Variants in STX3 observed in about 807,000 individuals in gnomAD.
The protein encoded by STX3 is syntaxin-3.
Under a neutral mutation model 40.2 loss-of-function variants are expected in STX3, and 19 were observed. That is an observed-to-expected ratio of 0.47 (90% CI 0.33 to 0.69). The LOEUF (loss-of-function observed/expected upper bound fraction) is 0.69, where lower values mean the gene tolerates loss of function less well. STX3 is among the 30% of genes least tolerant of loss of function. The pLI is 0.02. For synonymous variants in STX3, 122 were observed against 132.2 expected, an observed-to-expected ratio of 0.92 and a Z score of 0.53; for missense variants, 364 against 366.7, an observed-to-expected ratio of 0.99 and a Z score of 0.06.
Position 59,805,196 on chromosome 11 carries a change from A to ACAAAC in STX3, c.*4372_*4373insCAAAC, listed in dbSNP as rs1417453045. ...CCATCTAAAAAAAAAAAAAAAACAA[A>ACAAAC]AAAAAAAAACTGTTCTTAATACTTA... On this transcript the variant is annotated 3_prime_UTR_variant, in exon 11 of 11. Transcript: ENST00000337979. 1 of 149,672 alleles carries ACAAAC rather than the reference A, an allele frequency of 6.7e-6. No individual in the cohort carries two copies. The highest frequency in any genetic ancestry group is 2.5e-5 in the African/African-American group (1 of 39,912). The allele number at this position is 149,672 out of a possible 1,614,324, so 9.3% of individuals were successfully genotyped here.
intron 5 of STX3, 149 bp downstream of exon 5, chr11:59,790,735 G>C: frequency 1.5e-6 from 1 of 652,154 alleles, no homozygotes; most frequent in Non-Finnish European, 2.7e-6. Context: ...GTTGAAATAG[G>C]GGTCAGGGCC....
rs1865946509 is a variant in STX3, at chr11:59,802,905, T to TC, written c.*2087dup. The TC allele has an allele frequency of 1.0e-6, 1 of 985,370 alleles. No homozygotes were observed. Among genetic ancestry groups the TC allele is most frequent in the South Asian group, 4.7e-5 (1 of 21,278 alleles). The allele number at this position is 985,370 out of a possible 1,614,324, so 61.0% of individuals were successfully genotyped here. ...TGTTTGTGTTTCAGATTTGAGGTGT[T>TC]CCCCCCAAAAGAATTTGGTTCAGTC... On this transcript the variant is annotated 3_prime_UTR_variant, in exon 11 of 11. Transcript: ENST00000337979.
At chr11:59,778,871 G>A (rs1438180967) in intron 2 of STX3, among the ~76,000 whole-genome samples, 1 of 98,480 alleles carries the variant, frequency 1.0e-5, no homozygotes, top group African/African-American at 4.1e-5. Flanking sequence ...TTTCGCTCTT[G>A]TCGCCCAGGC....
chr11:59,779,255 A>T (rs1864196341), intron 2 of STX3, among the ~76,000 whole-genome samples: 1 of 152,218 alleles, frequency 6.6e-6, no homozygotes, highest in Admixed American at 6.5e-5. Flanking sequence ...TGAAAGTCCG[A>T]GACCAGGATT....
intron 2 of STX3, among the ~76,000 whole-genome samples, chr11:59,784,030 G>GA (rs1387059886): frequency 6.6e-6 from 1 of 152,118 alleles, no homozygotes; most frequent in Admixed American, 6.5e-5. Context: ...GAGCACCCAG[G>GA]ACCAGTTCTC....
chr11:59,784,397 G>A (rs1034553479), intron 2 of STX3, among the ~76,000 whole-genome samples: 10 of 152,174 alleles, frequency 6.6e-5, no homozygotes, highest in Non-Finnish European at 1.3e-4. Context: ...GTTATGTGGT[G>A]GAACTGGAAA....
intron 1 of STX3, among the ~76,000 whole-genome samples, chr11:59,756,301 A>T (rs1862714233): frequency 2.6e-5 from 4 of 152,284 alleles, no homozygotes; most frequent in Middle Eastern, 3.4e-3. Flanking sequence ...TTCCTTATCT[A>T]TCAAATGGGA....
chr11:59,799,571 T>A, intron 10 of STX3: 1 of 806,624 alleles, frequency 1.2e-6, no homozygotes, highest in Non-Finnish European at 1.5e-6. Context: ...TACCAACTCA[T>A]ATAAGTTGGA....
At chr11:59,797,033 C>T (rs1295382753) in intron 9 of STX3, among the ~76,000 whole-genome samples, 3 of 152,106 alleles carry the variant, frequency 2.0e-5, no homozygotes, top group Non-Finnish European at 4.4e-5. Context: ...ATCACTTGAG[C>T]CCAGGAGGTC....
Position 59,755,591 on chromosome 11 carries a change from C to T in STX3, c.-15C>T, listed in dbSNP as rs1448920151. On this transcript the variant is annotated 5_prime_UTR_variant, in exon 1 of 11. Coordinates refer to ENST00000337979, the MANE Select transcript of STX3 (RefSeq NM_004177.5). Reference sequence around the variant, plus strand: ...CTGGGACGCGCTACCTGCCTCCGGGCGCCTGGGCTTCAGGATGAAGGACCG... The same window carrying T: ...CTGGGACGCGCTACCTGCCTCCGGGTGCCTGGGCTTCAGGATGAAGGACCG... 1.9e-6 allele frequency: 3 copies of T among 1,593,076 alleles called. No individual in the cohort carries two copies. Among genetic ancestry groups the T allele is most frequent in the Non-Finnish European group, 2.6e-6 (3 of 1,176,244 alleles).
At chr11:59,781,402 T>C in intron 2 of STX3, 3 of 1,604,592 alleles carry the variant, frequency 1.9e-6, no homozygotes, top group South Asian at 1.1e-5. Flanking sequence ...TTTCTTGTTA[T>C]TGTGCTTTCC....
intron 3 of STX3, among the ~76,000 whole-genome samples, chr11:59,787,507 T>C (rs917147992): frequency 2.0e-5 from 3 of 152,200 alleles, no homozygotes; most frequent in Non-Finnish European, 2.9e-5. Flanking sequence ...TTCTGAATCC[T>C]ACCAGATCAA....
intron 2 of STX3, among the ~76,000 whole-genome samples, chr11:59,779,616 A>C (rs1015890309): frequency 1.3e-5 from 2 of 152,188 alleles, no homozygotes; most frequent in Non-Finnish European, 2.9e-5. Context: ...TTATTCAGCA[A>C]ATGTCTACTG....
rs535234628 is a variant in STX3 at position 59,755,495 on chromosome 11, C to T, written c.-111C>T. Reference sequence around the variant, plus strand: ...CCGCCGCCGCCTGCGCCTCCAGCTCCTTCGCCCCGGCGGGCCCGGCCGCCG... The same window carrying T: ...CCGCCGCCGCCTGCGCCTCCAGCTCTTTCGCCCCGGCGGGCCCGGCCGCCG... On this transcript the variant is annotated 5_prime_UTR_variant, in exon 1 of 11. Transcript: ENST00000337979. The T allele has an allele frequency of 3.6e-6, 5 of 1,377,638 alleles. No individual in the cohort carries two copies. The South Asian group carries it at 5.9e-5, about 16-fold the overall frequency. The allele number at this position is 1,377,638 out of a possible 1,614,324, so 85.3% of individuals were successfully genotyped here.
chr11:59,802,088 C>G lies in STX3; in HGVS notation c.*1264C>G, dbSNP rs1420932739. Reference sequence around the variant, plus strand: ...CTAGGCTTGTCCTGAGAACATCCCTCAGTAACTTGATATTCACATGACCTA... The same window carrying G: ...CTAGGCTTGTCCTGAGAACATCCCTGAGTAACTTGATATTCACATGACCTA... On this transcript the variant is annotated 3_prime_UTR_variant, in exon 11 of 11. Coordinates refer to ENST00000337979, the MANE Select transcript of STX3 (RefSeq NM_004177.5). 8.1e-6 allele frequency: 8 copies of G among 985,350 alleles called. No homozygotes were observed. The highest frequency in any genetic ancestry group is 9.6e-6 in the Non-Finnish European group (8 of 829,948). The allele number at this position is 985,350 out of a possible 1,614,324, so 61.0% of individuals were successfully genotyped here.
At position 59,805,194 on chromosome 11, in the gene STX3, A is replaced by C; in HGVS notation, c.*4370A>C. On this transcript the variant is annotated 3_prime_UTR_variant, in exon 11 of 11. Transcript: ENST00000337979. ...TTCCATCTAAAAAAAAAAAAAAAAC[A>C]AAAAAAAAAAACTGTTCTTAATACT... The C allele has an allele frequency of 7.0e-6, 1 of 143,772 alleles. No individual in the cohort carries two copies. The highest frequency in any genetic ancestry group is 1.5e-5 in the Non-Finnish European group (1 of 65,386). 8.9% of individuals were successfully genotyped at this position (143,772 alleles called of 1,614,324 possible). A position where few individuals can be genotyped will look rare whatever the true frequency, so the allele number is the denominator to read the frequency against.
intron 1 of STX3, among the ~76,000 whole-genome samples, chr11:59,761,477 T>G (rs1863031006): frequency 6.6e-6 from 1 of 152,180 alleles, no homozygotes; most frequent in African/African-American, 2.4e-5. Context: ...TCTCATTCTC[T>G]CTTATACCTT....
In STX3 at chr11:59,797,005, G is replaced by GGAGGCT. The variant is rs1313353574; in HGVS notation, c.787-272_787-267dup. Among the ~76,000 whole-genome samples the GGAGGCT allele has an allele frequency of 2.6e-5, 4 of 152,202 alleles. No homozygotes were observed. In the South Asian group the frequency reaches 8.3e-4, roughly 31 times the overall value. On this transcript the variant is annotated intron_variant, in intron 9 of 10. Coordinates refer to ENST00000337979, the MANE Select transcript of STX3 (RefSeq NM_004177.5). ...GCATGCCTGTAGTCCTATGTACTCA[G>GGAGGCT]GAGGCTGAGGCAGGAGGATCACTTG... is the stretch of plus-strand genomic sequence containing the variant.
intron 1 of STX3, among the ~76,000 whole-genome samples, chr11:59,768,187 G>T (rs1863376608): frequency 6.6e-6 from 1 of 152,206 alleles, no homozygotes; most frequent in Non-Finnish European, 1.5e-5. Flanking sequence ...AAACCAAAGA[G>T]TACGTTTTGG....
Sources: gnomAD v4.1 joint callset for allele counts (sites outside exome capture counted in the v4.1 genomes callset) on GRCh38, gnomAD v4.1.1 for gene constraint, MANE v1.5 for transcripts, NCBI Gene and HGNC (gene_info 2026-07-23, HGNC 2026-07-21) for gene names.